ZBTB20: variants seen among roughly 807,000 people sequenced by gnomAD.
The protein encoded by ZBTB20 is zinc finger and BTB domain-containing protein 20.
A neutral mutation model predicts 56.9 loss-of-function variants in ZBTB20; 9 were observed. The observed-to-expected ratio is 0.16, with a 90% CI of 0.10 to 0.28. The LOEUF is 0.28. ZBTB20 is among the 10% of genes least tolerant of loss of function. ZBTB20 has a pLI of 1.00. For synonymous variants in ZBTB20, 417 were observed against 420.7 expected (o/e 0.99, Z 0.11); for missense variants, 655 against 1,003.0 (o/e 0.65, Z 4.69).
At chr3:114,942,658 G>A (rs1014929060) in intron 3 of ZBTB20, among the ~76,000 whole-genome samples, 1 of 145,784 alleles carries the variant, frequency 6.9e-6, no homozygotes, top group Non-Finnish European at 1.5e-5. Flanking sequence ...TTTAAAAACT[G>A]TTTGAAGGCA....
chr3:114,623,224 TAAG>T, intron 6 of ZBTB20, among the ~76,000 whole-genome samples: 1 of 152,208 alleles, frequency 6.6e-6, no homozygotes, highest in East Asian at 1.9e-4. Flanking sequence ...TATGAGTTAT[TAAG>T]AAGGATGTGG....
chr3:114,853,193 T>C (rs191549724), intron 4 of ZBTB20, among the ~76,000 whole-genome samples: 25 of 152,298 alleles, frequency 1.6e-4, no homozygotes, highest in African/African-American at 6.0e-4. Flanking sequence ...TCATCTGTTG[T>C]AGAACAAGCC....
At chr3:114,489,346 C>T (rs1199719305) in intron 7 of ZBTB20, among the ~76,000 whole-genome samples, 1 of 152,086 alleles carries the variant, frequency 6.6e-6, no homozygotes, top group Admixed American at 6.6e-5. Flanking sequence ...TTGAGATGTA[C>T]ATCATAGTTC....
intron 4 of ZBTB20, among the ~76,000 whole-genome samples, chr3:114,865,434 TC>T (rs1364717627): frequency 2.0e-5 from 3 of 152,152 alleles, no homozygotes; most frequent in African/African-American, 7.2e-5. Context: ...AGGTGGCAGA[TC>T]TTACTTATAT....
rs73224539 is a variant in ZBTB20 at position 114,673,558 on chromosome 3, C to A, written c.-295+19970G>T. On this transcript the variant is annotated intron_variant, in intron 6 of 11. Transcript: ENST00000675478. ...ATCATCATATCTCAAACTGTTATCACGAAAAAGGGAAACAAAGGGTGAAAA... is the reference window on the plus strand; with the variant it reads ...ATCATCATATCTCAAACTGTTATCAAGAAAAAGGGAAACAAAGGGTGAAAA... Among the ~76,000 whole-genome samples the A allele has an allele frequency of 3.5e-3, 531 of 151,896 alleles. 4 individuals carry two copies. Among genetic ancestry groups the A allele is most frequent in the African/African-American group, 0.012 (495 of 41,428 alleles).
chr3:114,484,827 ATGTG>A (rs1389982611), intron 7 of ZBTB20, among the ~76,000 whole-genome samples: 1 of 103,410 alleles, frequency 9.7e-6, no homozygotes, highest in East Asian at 3.3e-4. Context: ...GTGCGCGTGC[ATGTG>A]TGTGTGTGCG....
chr3:114,805,242 A>G (rs1349420597), intron 4 of ZBTB20, among the ~76,000 whole-genome samples: 2 of 151,812 alleles, frequency 1.3e-5, no homozygotes, highest in African/African-American at 4.8e-5. Context: ...GATGTCACCA[A>G]TTTTTCCATT....
rs190527361 is a variant in ZBTB20, at chr3:114,611,059, A to G, written c.-295+82469T>C. On this transcript the variant is annotated intron_variant, in intron 6 of 11. Transcript: ENST00000675478. ...AGCAAGTTAACCAGCGCTGTTTCTA[A>G]CAACCAAGTCCCAGAATATCCTTGG... 1.4e-4 allele frequency among the ~76,000 whole-genome samples: 22 copies of G among 152,292 alleles called. No individual in the cohort carries two copies. The East Asian group carries it at 4.1e-3, about 28-fold the overall frequency.
chr3:114,387,412 C>T (rs1018369526), intron 8 of ZBTB20: 2 of 152,150 alleles, frequency 1.3e-5, no homozygotes, highest in African/African-American at 4.8e-5. Context: ...CCCAGTCTGT[C>T]CATTCTCTAG....
intron 5 of ZBTB20, among the ~76,000 whole-genome samples, chr3:114,708,311 C>T (rs2063839701): frequency 6.6e-6 from 1 of 152,002 alleles, no homozygotes; most frequent in Admixed American, 6.6e-5. Context: ...GGCTTTGAAT[C>T]AAATCACTTT....
chr3:114,813,912 A>G (rs994667632), intron 4 of ZBTB20, among the ~76,000 whole-genome samples: 22 of 152,194 alleles, frequency 1.4e-4, no homozygotes, highest in Non-Finnish European at 3.2e-4. Context: ...TGGGAATACT[A>G]AAGTTCACAG....
intron 7 of ZBTB20, among the ~76,000 whole-genome samples, chr3:114,460,563 T>C (rs1349591433): frequency 2.0e-5 from 3 of 152,034 alleles, no homozygotes; most frequent in Admixed American, 6.6e-5. Flanking sequence ...CTCCAAAAGA[T>C]AGAAAAGGCA....
chr3:114,700,752 T>TA (rs2063339816), intron 5 of ZBTB20, among the ~76,000 whole-genome samples: 1 of 152,112 alleles, frequency 6.6e-6, no homozygotes, highest in Non-Finnish European at 1.5e-5. Flanking sequence ...CTGAGGAGGT[T>TA]AAAAGAGTCC....
chr3:115,073,454 T>G (rs1028077760), intron 1 of ZBTB20, among the ~76,000 whole-genome samples: 1 of 152,158 alleles, frequency 6.6e-6, no homozygotes, highest in Non-Finnish European at 1.5e-5. Flanking sequence ...ATCCACTTGC[T>G]CAGAAGCTCT....
At chr3:115,075,078 A>T (rs1387675591) in intron 1 of ZBTB20, among the ~76,000 whole-genome samples, 1 of 152,192 alleles carries the variant, frequency 6.6e-6, no homozygotes, top group Non-Finnish European at 1.5e-5. Flanking sequence ...AATGTGAATT[A>T]ACATTTATTG....
chr3:114,454,954 G>C (rs949928080), intron 7 of ZBTB20: 3 of 140,912 alleles, frequency 2.1e-5, no homozygotes, highest in African/African-American at 8.4e-5. Context: ...AAAAAAAACA[G>C]TAGAGCAAGA....
intron 10 of ZBTB20, among the ~76,000 whole-genome samples, chr3:114,379,888 A>G (rs1011553109): frequency 2.0e-5 from 3 of 152,218 alleles, no homozygotes; most frequent in Non-Finnish European, 4.4e-5. Context: ...TGTTCAATTT[A>G]GTAATTGTGG....
At chr3:114,618,462 T>TACC (rs1238703565) in intron 6 of ZBTB20, among the ~76,000 whole-genome samples, 1 of 151,810 alleles carries the variant, frequency 6.6e-6, no homozygotes, top group Non-Finnish European at 1.5e-5. Context: ...CTTGCTATGT[T>TACC]ACCCAGACTG....
intron 3 of ZBTB20, among the ~76,000 whole-genome samples, chr3:114,933,331 T>C (rs1286074342): frequency 4.6e-5 from 7 of 152,206 alleles, no homozygotes; most frequent in Non-Finnish European, 1.0e-4. Flanking sequence ...GGAAATGAGT[T>C]TAGTCCTTCT....
Sources: allele counts gnomAD v4.1 joint callset (sites outside exome capture counted in the v4.1 genomes callset), GRCh38; gene constraint gnomAD v4.1.1; transcripts MANE v1.5; gene names NCBI Gene and HGNC (gene_info 2026-07-23, HGNC 2026-07-21).